Variants in EVA1A observed in about 807,000 individuals in gnomAD.
The protein encoded by EVA1A is eva-1 homolog A, regulator of programmed cell death, also known as protein eva-1 homolog A.
A neutral mutation model predicts 9.8 loss-of-function variants in EVA1A; 7 were observed. The ratio of observed to expected loss-of-function variants is 0.71; its 90% CI spans 0.41 to 1.34. The LOEUF (loss-of-function observed/expected upper bound fraction) is 1.34, where lower values mean the gene tolerates loss of function less well. Among genes scored for constraint, EVA1A ranks in the 40% most tolerant of loss-of-function variants. EVA1A has a pLI of 0.01. For missense variants in EVA1A, 206 were observed against 205.9 expected (o/e 1.00, Z 0.00); for synonymous variants, 90 against 85.6 (o/e 1.05, Z -0.28).
At chr2:75,496,438 A>G (rs981484888) in intron 3 of EVA1A, among the ~76,000 whole-genome samples, 4 of 152,202 alleles carry the variant, frequency 2.6e-5, no homozygotes, top group African/African-American at 9.6e-5. Flanking sequence ...TACAATTGCC[A>G]CAAAAATAAT....
intron 1 of EVA1A, among the ~76,000 whole-genome samples, chr2:75,553,800 G>T (rs1676608658): frequency 1.3e-5 from 2 of 152,148 alleles, no homozygotes; most frequent in African/African-American, 4.8e-5. Flanking sequence ...TGCCCTGTGT[G>T]ACTGACCCAC....
intron 1 of EVA1A, among the ~76,000 whole-genome samples, chr2:75,528,543 C>A (rs1030014139): frequency 2.0e-5 from 3 of 152,162 alleles, no homozygotes; most frequent in African/African-American, 7.2e-5. Flanking sequence ...TCAGAAGCAG[C>A]CATAATCCCC....
intron 1 of EVA1A, among the ~76,000 whole-genome samples, chr2:75,530,720 C>T (rs1053631074): frequency 2.3e-4 from 35 of 151,898 alleles, no homozygotes; most frequent in African/African-American, 7.7e-4. Context: ...CGATTAAAAC[C>T]CTCAGCAAAA....
Position 75,548,979 on chromosome 2 carries a change from G to GAAAAAAAAA in EVA1A, c.-192+11700_-192+11701insTTTTTTTTT, listed in dbSNP as rs150555298. Among the ~76,000 whole-genome samples, 285 of 129,830 alleles carry GAAAAAAAAA rather than the reference G, an allele frequency of 2.2e-3. 2 individuals carry two copies. The highest frequency in any genetic ancestry group is 2.8e-3 in the Non-Finnish European group (175 of 62,982). The allele number at this position is 129,830 out of a possible 152,430, so 85.2% of individuals were successfully genotyped here. On this transcript the variant is annotated intron_variant, in intron 1 of 3. Transcript: ENST00000393913. ...TAAATGAACTGATGACTGGCTAAATGAAAAATATATATATATATATATATA... is the reference window on the plus strand; with the variant it reads ...TAAATGAACTGATGACTGGCTAAATGAAAAAAAAAAAAAATATATATATATATATATATA...
chr2:75,559,698 G>GC (rs1491118209), intron 1 of EVA1A, among the ~76,000 whole-genome samples: 1 of 10,522 alleles, frequency 9.5e-5, no homozygotes, highest in Non-Finnish European at 1.6e-4. Context: ...GAAAGGAGGT[G>GC]GGGGGGGGGC....
intron 1 of EVA1A, among the ~76,000 whole-genome samples, chr2:75,554,138 TC>T (rs1205453662): frequency 3.3e-5 from 5 of 152,236 alleles, no homozygotes; most frequent in African/African-American, 1.2e-4. Flanking sequence ...AGAAACAAGA[TC>T]CCCTGAAGTC....
At position 75,493,595 on chromosome 2, in the gene EVA1A, C is replaced by T. The variant is rs1051330994; in HGVS notation, c.100G>A (p.Ala34Thr). The change falls in exon 4 of 4, where the codon GCA becomes ACA. Residue 34 changes from alanine to threonine, a missense_variant. By Grantham distance (58) the Ala-to-Thr change is moderately conservative. Coordinates refer to ENST00000393913, the MANE Select transcript of EVA1A (RefSeq NM_001135032.2). ...ACGCCAGAAACAAAGTACAGAGCTGCTCGCTCAGGATTTTCTGGAGGAAGA... is the reference window on the plus strand; with the variant it reads ...ACGCCAGAAACAAAGTACAGAGCTGTTCGCTCAGGATTTTCTGGAGGAAGA... The part of the protein sequence containing the change: ...YSFVSENPER[A>T]ALYFVSGVCI... The T allele has an allele frequency of 6.3e-7, 1 of 1,593,038 alleles. No homozygotes were observed. Among genetic ancestry groups the T allele is most frequent in the Non-Finnish European group, 8.6e-7 (1 of 1,167,976 alleles).
intron 1 of EVA1A, among the ~76,000 whole-genome samples, chr2:75,556,175 C>T (rs766193048): frequency 2.0e-5 from 3 of 152,244 alleles, no homozygotes; most frequent in Non-Finnish European, 4.4e-5. Flanking sequence ...TCTGCCACCA[C>T]TCTAGTCTGA....
chr2:75,545,797 G>C (rs76262845), intron 1 of EVA1A, among the ~76,000 whole-genome samples: 8,734 of 152,172 alleles, frequency 0.057, 413 homozygotes, highest in East Asian at 0.18. Context: ...TGTCTCCTAG[G>C]GGGAGGAGAG....
intron 3 of EVA1A, among the ~76,000 whole-genome samples, chr2:75,497,850 C>CAA (rs33933086): frequency 0.21 from 14,021 of 65,364 alleles, 2,323 homozygotes; most frequent in East Asian, 0.34. Context: ...GATCCTGTCT[C>CAA]AAAAAAAAAA....
chr2:75,518,016 C>G (rs771211538), intron 3 of EVA1A, 40 bp downstream of exon 3: 1 of 1,612,158 alleles, frequency 6.2e-7, no homozygotes. Context: ...GGACCCAGCC[C>G]CAGACCTCAG....
chr2:75,513,491 TGTAA>T (rs1411768300), intron 3 of EVA1A, among the ~76,000 whole-genome samples: 4 of 152,186 alleles, frequency 2.6e-5, no homozygotes, highest in Admixed American at 2.6e-4. Context: ...AGGTTTTATG[TGTAA>T]GTGAGATCAT....
intron 3 of EVA1A, among the ~76,000 whole-genome samples, chr2:75,510,663 T>C (rs1674777985): frequency 6.6e-6 from 1 of 152,142 alleles, no homozygotes; most frequent in African/African-American, 2.4e-5. Context: ...ACTCCTGCTC[T>C]GAAAAATATT....
At chr2:75,545,091 TAG>T (rs1463626189) in intron 1 of EVA1A, among the ~76,000 whole-genome samples, 1 of 152,246 alleles carries the variant, frequency 6.6e-6, no homozygotes, top group Non-Finnish European at 1.5e-5. Flanking sequence ...TGCTCTGTTA[TAG>T]TCATTAATAT....
intron 3 of EVA1A, among the ~76,000 whole-genome samples, chr2:75,506,829 GA>G (rs1674635852): frequency 6.6e-6 from 1 of 152,190 alleles, no homozygotes; most frequent in African/African-American, 2.4e-5. Flanking sequence ...AAATAAGAAG[GA>G]AAAGTAGAAC....
intron 1 of EVA1A, among the ~76,000 whole-genome samples, chr2:75,556,724 G>A (rs1446964775): frequency 6.6e-6 from 1 of 152,114 alleles, no homozygotes; most frequent in African/African-American, 2.4e-5. Context: ...ACGGATAGGG[G>A]GAGATGGTTT....
chr2:75,543,020 GGAAAATAA>G (rs1453828341), intron 1 of EVA1A, among the ~76,000 whole-genome samples: 1 of 152,114 alleles, frequency 6.6e-6, no homozygotes, highest in African/African-American at 2.4e-5. Flanking sequence ...AGTATCCACT[GGAAAATAA>G]AAAATCATGG....
intron 3 of EVA1A, among the ~76,000 whole-genome samples, chr2:75,506,772 G>A (rs1019650566): frequency 2.0e-5 from 3 of 152,218 alleles, no homozygotes; most frequent in African/African-American, 7.2e-5. Context: ...ACCAGAAGGT[G>A]CCCAGTGAAG....
At chr2:75,535,295 C>CAAAAAAAAAAA (rs3081156) in intron 1 of EVA1A, among the ~76,000 whole-genome samples, 1 of 92,542 alleles carries the variant, frequency 1.1e-5, no homozygotes. Flanking sequence ...ATAGATATGG[C>CAAAAAAAAAAA]AAAAAAAAAA....
Sources: gnomAD v4.1 joint callset for allele counts (sites outside exome capture counted in the v4.1 genomes callset) on GRCh38, gnomAD v4.1.1 for gene constraint, MANE v1.5 for transcripts, NCBI Gene and HGNC (gene_info 2026-07-23, HGNC 2026-07-21) for gene names.